FAM234B: variants seen among roughly 807,000 people sequenced by gnomAD.
FAM234B encodes the protein family with sequence similarity 234 member B.
In FAM234B, 33 loss-of-function variants were observed where a neutral mutation model predicts 69.3. The ratio of observed to expected loss-of-function variants is 0.48; its 90% CI spans 0.36 to 0.64. The LOEUF (loss-of-function observed/expected upper bound fraction) is 0.64, where lower values mean the gene tolerates loss of function less well. Among genes scored for constraint, FAM234B ranks in the 30% least tolerant of loss-of-function variants. The pLI is 0.00. For synonymous variants in FAM234B, 306 were observed against 306.9 expected (o/e 1.00, Z 0.03); for missense variants, 697 against 769.7 (o/e 0.91, Z 1.12).
intron 1 of FAM234B, among the ~76,000 whole-genome samples, chr12:13,053,970 C>T (rs994873945): frequency 1.1e-4 from 17 of 152,212 alleles, no homozygotes; most frequent in African/African-American, 4.1e-4. Flanking sequence ...TATAGGCTCT[C>T]TGCAAGAAGA....
intron 2 of FAM234B, among the ~76,000 whole-genome samples, 154 bp downstream of exon 2, chr12:13,056,100 A>C (rs959960629): frequency 1.3e-5 from 2 of 152,210 alleles, no homozygotes; most frequent in Non-Finnish European, 2.9e-5. Context: ...GGAGATTAAG[A>C]TTTGAAAGAA....
At position 13,061,717 on chromosome 12, in the gene FAM234B, T is replaced by C; in HGVS notation, c.675T>C (p.Leu225=). The C allele has an allele frequency of 6.2e-7, 1 of 1,614,144 alleles. No homozygotes were observed. Among genetic ancestry groups the C allele is most frequent in the Non-Finnish European group, 8.5e-7 (1 of 1,180,022 alleles). ...MPGSLAETIC[L]VTGTHKMLSA... ...GAAGCTTGGCTGAAACCATCTGCCTTGTGACAGGGACACACAAGATGCTCA... is the reference window on the plus strand; with the variant it reads ...GAAGCTTGGCTGAAACCATCTGCCTCGTGACAGGGACACACAAGATGCTCA... Residue 225 remains leucine (L), a synonymous_variant, in exon 4 of 13, where the codon CTT becomes CTC. Transcript: ENST00000197268.
At chr12:13,059,475 A>G (rs1012256772) in intron 3 of FAM234B, among the ~76,000 whole-genome samples, 6 of 152,210 alleles carry the variant, frequency 3.9e-5, no homozygotes, top group Non-Finnish European at 7.3e-5. Context: ...GCTGTAGAAA[A>G]AGAAAAAATG....
chr12:13,044,591 C>T lies in FAM234B; in HGVS notation c.37+151C>T. ...CCGAGGAGGGTGCAGTCCCTTGGGG[C>T]TGGGGTCTCTGTGCCACCAGAGGGC... On this transcript the variant is annotated intron_variant, in intron 1 of 12. Transcript: ENST00000197268. The surrounding 1 kb of genome is among the most constrained non-coding windows in gnomAD (Gnocchi z 5.6). 2 of 817,132 alleles carry T rather than the reference C, an allele frequency of 2.4e-6. No individual in the cohort carries two copies. Among genetic ancestry groups the T allele is most frequent in the South Asian group, 3.6e-5 (2 of 55,114 alleles). 50.6% of individuals were successfully genotyped at this position (817,132 alleles called of 1,614,324 possible). A position where few individuals can be genotyped will look rare whatever the true frequency, so the allele number is the denominator to read the frequency against.
chr12:13,059,748 C>T (rs1864966186), intron 3 of FAM234B, among the ~76,000 whole-genome samples: 1 of 152,092 alleles, frequency 6.6e-6, no homozygotes. Flanking sequence ...TGGAGATCTG[C>T]TGTAGAGAGC....
In FAM234B at chr12:13,083,249, C is replaced by G. The variant is rs573090567; in HGVS notation, c.*2619C>G. On this transcript the variant is annotated 3_prime_UTR_variant, in exon 13 of 13. Transcript: ENST00000197268. The stretch of plus-strand genomic sequence containing the variant: ...CTACAAATGCAAGGGTCTTACCCTC[C>G]TCTTTCCCTTAAACACCCTCCCTTT... 6.5e-6 allele frequency: 1 copy of G among 152,678 alleles called. No individual in the cohort carries two copies. The highest frequency in any genetic ancestry group is 2.4e-5 in the African/African-American group (1 of 41,544). The allele number at this position is 152,678 out of a possible 1,614,324, so 9.5% of individuals were successfully genotyped here. A position where few individuals can be genotyped will look rare whatever the true frequency, so the allele number is the denominator to read the frequency against.
intron 4 of FAM234B, chr12:13,062,356 TG>T (rs1864993047): frequency 6.4e-6 from 1 of 156,114 alleles, no homozygotes. Context: ...GGTTGGAGTT[TG>T]GTCGCGGGGT....
intron 8 of FAM234B, 61 bp downstream of exon 8, chr12:13,068,508 T>C: frequency 1.2e-6 from 2 of 1,601,470 alleles, no homozygotes; most frequent in Non-Finnish European, 8.5e-7. Flanking sequence ...GTTTAAAAAT[T>C]GTCCAGGACA....
intron 11 of FAM234B, among the ~76,000 whole-genome samples, chr12:13,077,317 T>C (rs900679335): frequency 1.3e-5 from 2 of 152,004 alleles, no homozygotes; most frequent in African/African-American, 2.4e-5. Context: ...ATGTGCACAA[T>C]GTGCAGGTTA....
At chr12:13,066,493 G>A (rs936640829) in intron 5 of FAM234B, 147 bp from the exon 6 acceptor site, 8 of 799,358 alleles carry the variant, frequency 1.0e-5, no homozygotes, top group South Asian at 4.3e-5. Flanking sequence ...GAAATAAAGC[G>A]AAGCAGGTTT....
chr12:13,073,615 CT>C (rs1471656522), intron 10 of FAM234B, among the ~76,000 whole-genome samples: 4 of 152,090 alleles, frequency 2.6e-5, no homozygotes, highest in African/African-American at 9.7e-5. Context: ...CTTCCAGGAT[CT>C]TGATCCCACT....
At chr12:13,050,756 A>G (rs1864867403) in intron 1 of FAM234B, among the ~76,000 whole-genome samples, 1 of 152,220 alleles carries the variant, frequency 6.6e-6, no homozygotes, top group African/African-American at 2.4e-5. Flanking sequence ...ACCATATAAG[A>G]TTGATGTGAG....
Position 13,067,317 on chromosome 12 carries a change from T to C in FAM234B, c.1142+21T>C. On this transcript the variant is annotated intron_variant, in intron 7 of 12. Transcript: ENST00000197268. This position sits in a 1 kb window ranked among gnomAD's most constrained non-coding sequence, Gnocchi z 4.7. ...TACAGGTAGGGCAGACGTCTGTCCT[T>C]GGTCACAGTGAGATCTCTTGTGAAC... 1.2e-6 allele frequency: 2 copies of C among 1,613,526 alleles called. No homozygotes were observed. Among genetic ancestry groups the C allele is most frequent in the Non-Finnish European group, 1.7e-6 (2 of 1,179,508 alleles).
At position 13,061,685 on chromosome 12, in the gene FAM234B, A is replaced by G; in HGVS notation, c.643A>G (p.Met215Val). 6.2e-7 allele frequency: 1 copy of G among 1,614,112 alleles called. No individual in the cohort carries two copies. Among genetic ancestry groups the G allele is most frequent in the Non-Finnish European group, 8.5e-7 (1 of 1,180,016 alleles). Residue 215 changes from methionine to valine, a missense_variant, in exon 4 of 13, where the codon ATG becomes GTG. Physicochemically the swap from Met to Val is conservative, Grantham distance 21. Transcript: ENST00000197268. ...EARDITCLEL[M>V]PGSLAETICL... ...TCGAGATATCACATGTTTGGAGCTG[A>G]TGCCAGGAAGCTTGGCTGAAACCAT...
chr12:13,062,180 T>A (rs539366746), intron 4 of FAM234B: 14 of 162,976 alleles, frequency 8.6e-5, no homozygotes, highest in Non-Finnish European at 1.6e-4. Flanking sequence ...TTGACTGGCC[T>A]TTTAGCTTCT....
Position 13,062,920 on chromosome 12 carries a change from A to G in FAM234B, c.797A>G (p.Asp266Gly). 6.2e-7 allele frequency: 1 copy of G among 1,614,068 alleles called. No individual in the cohort carries two copies. The highest frequency in any genetic ancestry group is 8.5e-7 in the Non-Finnish European group (1 of 1,179,938). Residue 266 changes from aspartate to glycine, a missense_variant, in exon 5 of 13, where the codon GAC becomes GGC. Transcript: ENST00000197268. The part of the protein sequence containing the change: ...TLAAPVVVLP[D>G]LDEDGVRDLV... ...GCTGCCCCAGTTGTGGTACTGCCAG[A>G]CTTGGATGAAGACGGTGTTCGAGAC...
chr12:13,049,072 G>A (rs1245532594), intron 1 of FAM234B, among the ~76,000 whole-genome samples: 3 of 152,222 alleles, frequency 2.0e-5, no homozygotes, highest in Non-Finnish European at 4.4e-5. Context: ...GGGACACAGA[G>A]CCAAACCACA....
intron 11 of FAM234B, among the ~76,000 whole-genome samples, chr12:13,076,686 A>G (rs1256350063): frequency 2.0e-5 from 3 of 152,240 alleles, no homozygotes; most frequent in African/African-American, 7.2e-5. Context: ...GGCCACTCAT[A>G]ACCACTATTA....
At position 13,068,389 on chromosome 12, in the gene FAM234B, C is replaced by T; in HGVS notation, c.1228C>T (p.Leu410=). ...LLITTRQSLV[L]LRGQNLTPYW... ...GATTACAACCAGACAAAGCCTTGTG[C>T]TGCTTCGGGGGCAAAATCTGACACC... The change falls in exon 8 of 13, where the codon CTG becomes TTG. Residue 410 remains leucine, a synonymous_variant. Transcript: ENST00000197268. 4 of 1,614,184 alleles carry T rather than the reference C, an allele frequency of 2.5e-6. No homozygotes were observed. Among genetic ancestry groups the T allele is most frequent in the Non-Finnish European group, 3.4e-6 (4 of 1,180,034 alleles).
Sources: gnomAD v4.1 joint callset for allele counts (sites outside exome capture counted in the v4.1 genomes callset) on GRCh38, gnomAD v4.1.1 for gene constraint, Gnocchi (gnomAD v3.1) non-coding constraint, MANE v1.5 for transcripts, NCBI Gene and HGNC (gene_info 2026-07-23, HGNC 2026-07-21) for gene names.